The following SLC28A1 variants were observed in gnomAD, a reference collection of about 807,000 sequenced individuals.
SLC28A1 encodes the protein sodium/nucleoside cotransporter 1.
Under a neutral mutation model 74.8 loss-of-function variants are expected in SLC28A1, and 64 were observed. That is an observed-to-expected ratio of 0.86 (90% CI 0.70 to 1.05). The LOEUF (loss-of-function observed/expected upper bound fraction) is 1.05. SLC28A1 is among the 50% of genes least tolerant of loss of function. The pLI is 0.00. For synonymous variants in SLC28A1, 359 were observed against 335.0 expected (o/e 1.07, Z -0.78); for missense variants, 828 against 822.8 (o/e 1.01, Z -0.08).
chr15:84,933,279 A>G lies in SLC28A1; in HGVS notation c.1214+4A>G. ...AAGGAGTGAAACTGACCTATGGGTG[A>G]GCACAGCAGGAGGTCCTGCAGACAG... On this transcript the variant is annotated splice_donor_region_variant and intron_variant, in intron 13 of 18. Transcript: ENST00000394573. 1.2e-6 allele frequency: 2 copies of G among 1,612,660 alleles called. No homozygotes were observed. Among genetic ancestry groups the G allele is most frequent in the Non-Finnish European group, 1.7e-6 (2 of 1,179,212 alleles).
intron 13 of SLC28A1, among the ~76,000 whole-genome samples, chr15:84,934,351 C>T (rs1971643681): frequency 6.6e-6 from 1 of 152,170 alleles, no homozygotes; most frequent in Non-Finnish European, 1.5e-5. Flanking sequence ...TCTCTATGTG[C>T]CTGAGCTCTG....
At chr15:84,946,112 A>ATATATATATATT (rs57190791), downstream of SLC28A1, among the ~76,000 whole-genome samples, 1 of 13,476 alleles carries the variant, frequency 7.4e-5, no homozygotes, top group South Asian at 5.8e-3. Context: ...ATATATATAT[A>ATATATATATATT]TTTTTTTTTT....
intron 10 of SLC28A1, among the ~76,000 whole-genome samples, chr15:84,919,942 T>A (rs1177960054): frequency 2.0e-5 from 3 of 152,142 alleles, no homozygotes; most frequent in African/African-American, 7.2e-5. Flanking sequence ...TATGACAAAC[T>A]GAACTATAAG....
chr15:84,929,629 G>C (rs190202432), intron 12 of SLC28A1, among the ~76,000 whole-genome samples: 53 of 152,178 alleles, frequency 3.5e-4, no homozygotes, highest in Non-Finnish European at 3.7e-4. Context: ...CAAGGCAGGA[G>C]GATGGCTGAG....
At chr15:84,939,641 T>G (rs1202351331) in intron 15 of SLC28A1, 1 of 152,166 alleles carries the variant, frequency 6.6e-6, no homozygotes, top group Non-Finnish European at 1.5e-5. Context: ...CTTCATGAAT[T>G]TGTGCGTCAT....
chr15:84,935,993 C>T lies in SLC28A1; in HGVS notation c.1581+475C>T, dbSNP rs554430281. 1.1e-3 allele frequency among the ~76,000 whole-genome samples: 153 copies of T among 135,768 alleles called. 3 individuals carry two copies. Among genetic ancestry groups the T allele is most frequent in the African/African-American group, 3.9e-3 (134 of 34,636 alleles). 89.1% of individuals were successfully genotyped at this position (135,768 alleles called of 152,430 possible). On this transcript the variant is annotated intron_variant, in intron 15 of 18. Coordinates refer to ENST00000394573, the MANE Select transcript of SLC28A1 (RefSeq NM_004213.5). ...TTTTTGAGACGGAGTCTCACTCTGT[C>T]GCCCAGGCTGGAGTGCAGTGGCTCG... is the stretch of plus-strand genomic sequence containing the variant.
At chr15:84,906,222 G>A (rs1967085018) in intron 8 of SLC28A1, among the ~76,000 whole-genome samples, 1 of 151,478 alleles carries the variant, frequency 6.6e-6, no homozygotes, top group Non-Finnish European at 1.5e-5. Flanking sequence ...GTTTCACCAT[G>A]TTGGCCAGGC....
the SLC28A1 span, among the ~76,000 whole-genome samples, chr15:84,957,501 A>C: frequency 6.6e-6 from 1 of 152,190 alleles, no homozygotes; most frequent in Non-Finnish European, 1.5e-5. Flanking sequence ...TCCTGGCCTC[A>C]AGTGATCCAC....
downstream of SLC28A1, among the ~76,000 whole-genome samples, chr15:84,946,818 A>T (rs1275565919): frequency 6.6e-6 from 1 of 151,952 alleles, no homozygotes; most frequent in Non-Finnish European, 1.5e-5. Flanking sequence ...TATCACCAGC[A>T]TGCCCTCTCC....
intron 12 of SLC28A1, among the ~76,000 whole-genome samples, chr15:84,925,745 T>C (rs1163899826): frequency 2.0e-5 from 3 of 152,042 alleles, no homozygotes; most frequent in Non-Finnish European, 1.5e-5. Flanking sequence ...TTTAGGTATA[T>C]ACACCTGAGT....
At chr15:84,902,867 C>T (rs201641198) in intron 6 of SLC28A1, among the ~76,000 whole-genome samples, 1 of 151,882 alleles carries the variant, frequency 6.6e-6, no homozygotes, top group African/African-American at 2.4e-5. Flanking sequence ...GTAGCTGGGA[C>T]TACAGGCACC....
chr15:84,905,590 C>A lies in SLC28A1; in HGVS notation c.655C>A (p.Leu219Ile). ...ACTTGGACTGCAGTTTGTACTTGGA[C>A]TCCTCGTCATCAGAACAGAACCAGG... ...WGLGLQFVLG[L>I]LVIRTEPGFI... is the part of the protein sequence containing the mutation. Residue 219 changes from leucine (L) to isoleucine (I), a missense_variant, in exon 8 of 19, where the codon CTC becomes ATC. Transcript: ENST00000394573. 6.2e-7 allele frequency: 1 copy of A among 1,614,134 alleles called. No individual in the cohort carries two copies. Among genetic ancestry groups the A allele is most frequent in the Non-Finnish European group, 8.5e-7 (1 of 1,179,996 alleles).
At chr15:84,929,822 A>T (rs891684187) in intron 12 of SLC28A1, among the ~76,000 whole-genome samples, 12 of 152,232 alleles carry the variant, frequency 7.9e-5, no homozygotes, top group African/African-American at 2.7e-4. Context: ...TGATCATGCC[A>T]TTACACTCCA....
Position 84,923,257 on chromosome 15 carries a change from CT to C in SLC28A1, c.958-727del, listed in dbSNP as rs566507555. Among the ~76,000 whole-genome samples the C allele has an allele frequency of 5.9e-5, 9 of 152,204 alleles. No homozygotes were observed. The East Asian group carries it at 1.7e-3, about 29-fold the overall frequency. Reference sequence around the variant, plus strand: ...CTGGCCTACTCAGTTTTAAACACCCCTAACCAGTAGGCATTATCACACATAT... The same window carrying C: ...CTGGCCTACTCAGTTTTAAACACCCCAACCAGTAGGCATTATCACACATAT... On this transcript the variant is annotated intron_variant, in intron 11 of 18. Coordinates refer to ENST00000394573, the MANE Select transcript of SLC28A1 (RefSeq NM_004213.5).
intron 1 of SLC28A1, chr15:84,886,307 G>T: frequency 1.0e-6 from 1 of 985,132 alleles, no homozygotes; most frequent in Non-Finnish European, 1.2e-6. Flanking sequence ...AAGGGAGATA[G>T]AGAAAGATGC....
chr15:84,962,537 G>A, the SLC28A1 span, among the ~76,000 whole-genome samples: 973 of 152,050 alleles, frequency 6.4e-3, 21 homozygotes, highest in East Asian at 0.021. Context: ...TCCTGGGCTC[G>A]GGTGATCCTT....
intron 5 of SLC28A1, among the ~76,000 whole-genome samples, chr15:84,890,828 G>A (rs966354891): frequency 6.6e-6 from 1 of 152,182 alleles, no homozygotes; most frequent in African/African-American, 2.4e-5. Context: ...TCCAGGAGGA[G>A]GTGACATTGG....
chr15:84,947,773 T>C (rs1238284065), downstream of SLC28A1, among the ~76,000 whole-genome samples: 2 of 152,010 alleles, frequency 1.3e-5, no homozygotes, highest in Non-Finnish European at 2.9e-5. Flanking sequence ...CCTTATCACC[T>C]CCCAAAGACC....
At chr15:84,948,835 G>A (rs2142085479), downstream of SLC28A1, among the ~76,000 whole-genome samples, 1 of 152,188 alleles carries the variant, frequency 6.6e-6, no homozygotes, top group African/African-American at 2.4e-5. Context: ...GCCTCTCATT[G>A]CTACTCCACA....
Sources: gnomAD v4.1 joint callset for allele counts (sites outside exome capture counted in the v4.1 genomes callset) on GRCh38, gnomAD v4.1.1 for gene constraint, MANE v1.5 for transcripts, NCBI Gene and HGNC (gene_info 2026-07-23, HGNC 2026-07-21) for gene names.